Variants in GABBR2 observed in about 807,000 individuals in gnomAD.
The protein encoded by GABBR2 is G-protein coupled receptor 51.
In GABBR2, 23 loss-of-function variants were observed where a neutral mutation model predicts 105.6. The ratio of observed to expected loss-of-function variants is 0.22; its 90% CI spans 0.16 to 0.31. GABBR2 has a LOEUF of 0.31. GABBR2 is among the 10% of genes least tolerant of loss of function. GABBR2 has a pLI of 1.00. For missense variants in GABBR2, 734 were observed against 1,245.5 expected, an observed-to-expected ratio of 0.59 and a Z score of 6.18; for synonymous variants, 478 against 499.7, an observed-to-expected ratio of 0.96 and a Z score of 0.58.
At chr9:98,545,957 T>C (rs1401484082) in intron 2 of GABBR2, among the ~76,000 whole-genome samples, 1 of 152,194 alleles carries the variant, frequency 6.6e-6, no homozygotes, top group Non-Finnish European at 1.5e-5. Flanking sequence ...CATAACCAAG[T>C]TTGTTTCTGA....
At chr9:98,654,831 A>C (rs1299035956) in intron 1 of GABBR2, among the ~76,000 whole-genome samples, 1 of 152,232 alleles carries the variant, frequency 6.6e-6, no homozygotes, top group Non-Finnish European at 1.5e-5. Flanking sequence ...TAATTGCCAA[A>C]ACTTGGAAGC....
At chr9:98,522,152 AC>A (rs11307226) in intron 3 of GABBR2, among the ~76,000 whole-genome samples, 65,925 of 151,764 alleles carry the variant, frequency 0.43, 14,612 homozygotes, top group East Asian at 0.66. Flanking sequence ...GTAAAAAAAA[AC>A]TGATGAATAT....
chr9:98,346,205 T>C (rs1831301006), intron 13 of GABBR2, among the ~76,000 whole-genome samples: 1 of 152,242 alleles, frequency 6.6e-6, no homozygotes, highest in Admixed American at 6.5e-5. Context: ...CTTTGTATCA[T>C]GCAATGCTGT....
At chr9:98,338,253 A>T (rs758724062) in intron 13 of GABBR2, among the ~76,000 whole-genome samples, 1 of 152,226 alleles carries the variant, frequency 6.6e-6, no homozygotes, top group East Asian at 1.9e-4. Flanking sequence ...AGAAATAATA[A>T]AAGAAAAAAT....
At chr9:98,464,381 G>T (rs774467079) in intron 6 of GABBR2, among the ~76,000 whole-genome samples, 30 of 150,250 alleles carry the variant, frequency 2.0e-4, no homozygotes, top group Admixed American at 8.6e-4. Context: ...GAAGTGAGGA[G>T]CGCCTCTGCC....
chr9:98,413,231 C>G (rs901944697), intron 7 of GABBR2, among the ~76,000 whole-genome samples: 1 of 152,128 alleles, frequency 6.6e-6, no homozygotes, highest in Non-Finnish European at 1.5e-5. Flanking sequence ...CAGCCCTCCT[C>G]CCAGGACAGC....
intron 13 of GABBR2, among the ~76,000 whole-genome samples, chr9:98,336,427 T>C (rs189657930): frequency 6.0e-4 from 92 of 152,318 alleles, no homozygotes; most frequent in Admixed American, 1.8e-3. Context: ...GATATCTGGC[T>C]GGGCGCAGTG....
intron 3 of GABBR2, among the ~76,000 whole-genome samples, chr9:98,509,832 T>C (rs1169041596): frequency 6.6e-6 from 1 of 152,240 alleles, no homozygotes; most frequent in East Asian, 1.9e-4. Flanking sequence ...TGGAACCAAG[T>C]TGGAAAACAC....
chr9:98,516,485 C>T (rs919018427), intron 3 of GABBR2, among the ~76,000 whole-genome samples: 3 of 152,166 alleles, frequency 2.0e-5, no homozygotes, highest in African/African-American at 4.8e-5. Flanking sequence ...TTTCTAGGCA[C>T]GGAGCTGGGA....
intron 1 of GABBR2, among the ~76,000 whole-genome samples, chr9:98,675,630 G>A (rs1830467629): frequency 6.6e-6 from 1 of 152,184 alleles, no homozygotes; most frequent in South Asian, 2.1e-4. Flanking sequence ...GAGTGGGTGA[G>A]TGGAATCCAG....
chr9:98,673,159 A>T (rs1156919872), intron 1 of GABBR2, among the ~76,000 whole-genome samples: 1 of 152,220 alleles, frequency 6.6e-6, no homozygotes, highest in Non-Finnish European at 1.5e-5. Flanking sequence ...GGCAAGGTAC[A>T]TCCTGGTTTC....
At chr9:98,405,102 G>C (rs532377897) in intron 8 of GABBR2, among the ~76,000 whole-genome samples, 1 of 152,256 alleles carries the variant, frequency 6.6e-6, no homozygotes, top group East Asian at 1.9e-4. Flanking sequence ...TCTAGGAGCT[G>C]CTTTAAAACA....
At chr9:98,578,126 G>A (rs976446029) in intron 1 of GABBR2, 54 bp from the exon 2 acceptor site, 1 of 1,596,388 alleles carries the variant, frequency 6.3e-7, no homozygotes, top group Non-Finnish European at 8.6e-7. Context: ...CTTTTCCCCA[G>A]GGGCATGAGC....
chr9:98,314,586 G>A (rs958698089), intron 13 of GABBR2, among the ~76,000 whole-genome samples: 1 of 152,120 alleles, frequency 6.6e-6, no homozygotes, highest in African/African-American at 2.4e-5. Context: ...CACTGCAGTG[G>A]CAGGGAGCCC....
chr9:98,427,130 C>T (rs978624502), intron 7 of GABBR2, among the ~76,000 whole-genome samples: 1 of 152,180 alleles, frequency 6.6e-6, no homozygotes, highest in African/African-American at 2.4e-5. Context: ...CGGCAGAAAC[C>T]AGAATGAAGG....
In GABBR2 at chr9:98,295,783, C is replaced by T. The variant is rs141559566; in HGVS notation, c.2543-1881G>A. Among the ~76,000 whole-genome samples, 1,288 of 152,324 alleles carry T rather than the reference C, an allele frequency of 8.5e-3. 19 individuals are homozygous for T. Among genetic ancestry groups the T allele is most frequent in the African/African-American group, 0.028 (1,165 of 41,566 alleles). On this transcript the variant is annotated intron_variant, in intron 17 of 18. Coordinates refer to ENST00000259455, the MANE Select transcript of GABBR2 (RefSeq NM_005458.8). ...TCGTGATCCGCCCACTTTGGCCTCC[C>T]AAAGTGCTGGGATTACAGGCTTGAG...
chr9:98,290,633 C>T lies in GABBR2; in HGVS notation c.2777G>A (p.Arg926His), dbSNP rs901968471. Residue 926 changes from arginine to histidine, a missense_variant, in exon 19 of 19, where the codon CGC becomes CAC. This residue lies in a region of GABBR2 where 134 missense variants were observed against 171.2 expected (regional missense o/e 0.78). Transcript: ENST00000259455. ...GAAGGAGGGTGGCACATGTCTGTGG[C>T]GGGGGCTGGCGGTGGGGCTGACGCA... ...SPCVSPTASP[R>H]HRHVPPSFRV... 9 of 1,441,330 alleles carry T rather than the reference C, an allele frequency of 6.2e-6. No homozygotes were observed. Among genetic ancestry groups the T allele is most frequent in the South Asian group, 1.6e-5 (1 of 61,282 alleles). The allele number at this position is 1,441,330 out of a possible 1,614,324, so 89.3% of individuals were successfully genotyped here.
chr9:98,312,638 T>C (rs1830653370), intron 13 of GABBR2, among the ~76,000 whole-genome samples: 1 of 152,256 alleles, frequency 6.6e-6, no homozygotes, highest in Admixed American at 6.5e-5. Flanking sequence ...ACCTGAGTCA[T>C]TTATTACTTT....
intron 2 of GABBR2, among the ~76,000 whole-genome samples, chr9:98,573,939 A>AC (rs1258788867): frequency 6.6e-6 from 1 of 152,066 alleles, no homozygotes; most frequent in East Asian, 1.9e-4. Flanking sequence ...AGAAGATATC[A>AC]CCCCCTATTG....
Sources: allele counts gnomAD v4.1 joint callset (sites outside exome capture counted in the v4.1 genomes callset), GRCh38; gene constraint gnomAD v4.1.1; regional missense constraint gnomAD v4.1.1; transcripts MANE v1.5; gene names NCBI Gene and HGNC (gene_info 2026-07-23, HGNC 2026-07-21).